Variants in SCNN1D observed in about 807,000 individuals in gnomAD.
SCNN1D encodes sodium channel epithelial 1 subunit delta.
SCNN1D carries 104 observed loss-of-function variants against 87.8 expected under a neutral mutation model. The observed-to-expected ratio is 1.18, with a 90% CI of 1.01 to 1.39. SCNN1D has a LOEUF of 1.39. Among genes scored for constraint, SCNN1D ranks in the 40% most tolerant of loss-of-function variants. The pLI, the probability that SCNN1D is intolerant of heterozygous loss-of-function variation, is 0.00. For missense variants in SCNN1D, 1,324 were observed against 1,093.9 expected (o/e 1.21, Z -2.97); for synonymous variants, 628 against 481.2 (o/e 1.31, Z -3.99).
intron 5 of SCNN1D, 44 bp from the exon 6 acceptor site, chr1:1,285,527 C>T: frequency 1.5e-6 from 2 of 1,329,802 alleles, no homozygotes; most frequent in South Asian, 3.0e-5. Context: ...CCCCAGACCC[C>T]ACGCGGGGCG....
chr1:1,286,963 G>A lies in SCNN1D; in HGVS notation c.1107G>A (p.Val369=). The A allele has an allele frequency of 6.2e-7, 1 of 1,612,112 alleles. No individual in the cohort carries two copies. The highest frequency in any genetic ancestry group is 8.5e-7 in the Non-Finnish European group (1 of 1,179,640). ...GCCACTCGGGCAGCCGGGTCAGAGT[G>A]GGGTTCAGACTGGTGAGTGTCCCAG... ...RLSHSGSRVR[V]GFRLCNSTGG... Residue 369 remains valine (V), a synonymous_variant, in exon 8 of 18, where the codon GTG becomes GTA. Coordinates refer to ENST00000379116, the MANE Select transcript of SCNN1D (RefSeq NM_001130413.4).
chr1:1,281,496 G>A lies in SCNN1D; in HGVS notation c.163G>A (p.Ala55Thr). The A allele has an allele frequency of 6.5e-7, 1 of 1,531,338 alleles. No homozygotes were observed. Among genetic ancestry groups the A allele is most frequent in the Non-Finnish European group, 8.7e-7 (1 of 1,144,454 alleles). 94.9% of individuals were successfully genotyped at this position (1,531,338 alleles called of 1,614,324 possible). The change falls in exon 3 of 18, where the codon GCG (alanine) becomes ACG (threonine). Residue 55 changes from alanine to threonine, a missense_variant. Transcript: ENST00000379116. ...SPHPTPCTGP[A>T]RGWPRRGGGP... ...CCACCCCACCCCCTGCACCGGGCCAGCGAGGGGATGGCCCAGAAGAGGGGG... is the reference window on the plus strand; with the variant it reads ...CCACCCCACCCCCTGCACCGGGCCAACGAGGGGATGGCCCAGAAGAGGGGG...
chr1:1,291,638 C>A lies in SCNN1D; in HGVS notation c.*28C>A. On this transcript the variant is annotated 3_prime_UTR_variant, in exon 18 of 18. Coordinates refer to ENST00000379116, the MANE Select transcript of SCNN1D (RefSeq NM_001130413.4). ...CAGACCTGCCAGGGCTGTGCGATCT[C>A]TTGGCCTGGTCCTTGCAGCTGTGGC... The A allele has an allele frequency of 6.8e-7, 1 of 1,467,148 alleles. No homozygotes were observed. The allele number at this position is 1,467,148 out of a possible 1,614,324, so 90.9% of individuals were successfully genotyped here.
rs1031890993 is a variant in SCNN1D, at chr1:1,290,781, G to A, written c.1917+87G>A. On this transcript the variant is annotated intron_variant, in intron 15 of 17. Coordinates refer to ENST00000379116, the MANE Select transcript of SCNN1D (RefSeq NM_001130413.4). The stretch of plus-strand genomic sequence containing the variant: ...AGAGCCCACCCAAGACAAGGGCAGG[G>A]CCGGAACTGACCCAGCCTATGCCCC... 4.4e-6 allele frequency: 7 copies of A among 1,587,368 alleles called. No individual in the cohort carries two copies. The South Asian group carries it at 4.4e-5, about 10-fold the overall frequency.
At chr1:1,281,346 GGA>G in intron 2 of SCNN1D, 49 bp downstream of exon 2, 1 of 1,535,084 alleles carries the variant, frequency 6.5e-7, no homozygotes, top group Non-Finnish European at 8.7e-7. Context: ...GTCTTTCCTG[GGA>G]GAGAGCAGAG....
chr1:1,291,841 T>C lies in SCNN1D; in HGVS notation c.*231T>C, dbSNP rs1203816646. 1.8e-5 allele frequency: 8 copies of C among 438,840 alleles called. No homozygotes were observed. Among genetic ancestry groups the C allele is most frequent in the Non-Finnish European group, 3.2e-5 (8 of 249,242 alleles). 27.2% of individuals were successfully genotyped at this position (438,840 alleles called of 1,614,324 possible). On this transcript the variant is annotated 3_prime_UTR_variant, in exon 18 of 18. Coordinates refer to ENST00000379116, the MANE Select transcript of SCNN1D (RefSeq NM_001130413.4). ...AGGGGGGTTCCCGCGTGCACACGAG[T>C]GCGGCTGGACGTGCCGACACGCGGT...
rs760750549 is a variant in SCNN1D at position 1,286,007 on chromosome 1, G to A, written c.640G>A (p.Val214Met). 1.9e-6 allele frequency: 3 copies of A among 1,562,088 alleles called. No individual in the cohort carries two copies. The South Asian group carries it at 3.5e-5, about 18-fold the overall frequency. ...CAAGGAGGGGCACCAGGAGGGGCTG[G>A]TGGAGCTGCCCGCCTCGTTCCGGGA... is the stretch of plus-strand genomic sequence containing the variant. ...PPKEGHQEGL[V>M]ELPASFRELL... Residue 214 changes from valine (V) to methionine (M), a missense_variant, in exon 7 of 18, where the codon GTG becomes ATG. By Grantham distance (21) the Val-to-Met change is conservative (BLOSUM62 1). Coordinates refer to ENST00000379116, the MANE Select transcript of SCNN1D (RefSeq NM_001130413.4).
chr1:1,285,862 G>A, intron 6 of SCNN1D, 64 bp from the exon 7 acceptor site: 1 of 1,451,548 alleles, frequency 6.9e-7, no homozygotes, highest in East Asian at 2.3e-5. Flanking sequence ...AGACATGACA[G>A]GCCCAGGGTA....
At chr1:1,286,633 A>G (rs866476167) in intron 7 of SCNN1D, 135 bp from the exon 8 acceptor site, 2 of 848,704 alleles carry the variant, frequency 2.4e-6, no homozygotes, top group Admixed American at 2.7e-5. Flanking sequence ...CTCCAACTCC[A>G]GCTCTGGGTC....
rs750186422 is a variant in SCNN1D, at chr1:1,290,566, G to A, written c.1859+11G>A. On this transcript the variant is annotated intron_variant, in intron 14 of 17. Coordinates refer to ENST00000379116, the MANE Select transcript of SCNN1D (RefSeq NM_001130413.4). ...CCCCAGGCCCTGCAGGTGAGACGGG[G>A]GTGTTGGGGTCGCGGCCAGGGATCA... The A allele has an allele frequency of 3.1e-6, 5 of 1,612,522 alleles. No individual in the cohort carries two copies. The highest frequency in any genetic ancestry group is 2.7e-5 in the African/African-American group (2 of 74,930).
At position 1,285,739 on chromosome 1, in the gene SCNN1D, A is replaced by G. The variant is rs553834507; in HGVS notation, c.558+75A>G. On this transcript the variant is annotated intron_variant, in intron 6 of 17. Transcript: ENST00000379116. ...AACTCAAACTCAGCTCCAAGGCTAC[A>G]CTGAGACGTGTCAGGGACGGGTGTA... 13 of 1,294,290 alleles carry G rather than the reference A, an allele frequency of 1.0e-5. No homozygotes were observed. The East Asian group carries it at 3.1e-4, about 30-fold the overall frequency. The allele number at this position is 1,294,290 out of a possible 1,614,324, so 80.2% of individuals were successfully genotyped here.
Position 1,281,619 on chromosome 1 carries a change from A to C in SCNN1D, c.277+9A>C. The C allele has an allele frequency of 6.5e-7, 1 of 1,533,718 alleles. No homozygotes were observed. The highest frequency in any genetic ancestry group is 8.7e-7 in the Non-Finnish European group (1 of 1,145,790). On this transcript the variant is annotated intron_variant, in intron 3 of 17. Coordinates refer to ENST00000379116, the MANE Select transcript of SCNN1D (RefSeq NM_001130413.4). ...ACAGGGGTGTGGGACAGGTGACTGA[A>C]CCTCAGCCCTTAGAGGCCTTGCCCG... is the stretch of plus-strand genomic sequence containing the variant.
At chr1:1,290,199 GTCCCGTGTCTCTGCCCCGTCCCCCA>G in intron 12 of SCNN1D, 47 bp from the exon 13 acceptor site, 2 of 938,590 alleles carry the variant, frequency 2.1e-6, no homozygotes, top group East Asian at 5.3e-5. Context: ...TCCCTGCTCC[GTCCCGTGTCTCTGCCCCGTCCCCCA>G]TGTCTCCGCT....
Position 1,291,062 on chromosome 1 carries a change from C to G in SCNN1D, c.1977-3C>G. On this transcript the variant is annotated splice_polypyrimidine_tract_variant and splice_region_variant and intron_variant, in intron 16 of 17. Coordinates refer to ENST00000379116, the MANE Select transcript of SCNN1D (RefSeq NM_001130413.4). Reference sequence around the variant, plus strand: ...GCGCCCTCATGCCTCTATCCTGCCCCAGGAGCAGCCTGGCCAAAATCAACA... The same window carrying G: ...GCGCCCTCATGCCTCTATCCTGCCCGAGGAGCAGCCTGGCCAAAATCAACA... 6.2e-7 allele frequency: 1 copy of G among 1,611,838 alleles called. No individual in the cohort carries two copies. The highest frequency in any genetic ancestry group is 1.1e-5 in the South Asian group (1 of 90,904).
At position 1,280,844 on chromosome 1, in the gene SCNN1D, C is replaced by T. The variant is rs554778473; in HGVS notation, c.5+178C>T. ...CCTTACTCCTCCCAGCAGGGGACAC[C>T]GGCCAGACCCCAAGCTCCACACTCC... On this transcript the variant is annotated intron_variant, in intron 1 of 17. Coordinates refer to ENST00000379116, the MANE Select transcript of SCNN1D (RefSeq NM_001130413.4). 269 of 590,398 alleles carry T rather than the reference C, an allele frequency of 4.6e-4. 7 individuals are homozygous for T. In the South Asian group the frequency reaches 5.2e-3, roughly 11 times the overall value. The allele number at this position is 590,398 out of a possible 1,614,324, so 36.6% of individuals were successfully genotyped here.
Position 1,286,698 on chromosome 1 carries a change from C to T in SCNN1D, c.912-70C>T, listed in dbSNP as rs1358564792. On this transcript the variant is annotated intron_variant, in intron 7 of 17. Transcript: ENST00000379116. Reference sequence around the variant, plus strand: ...GGGAGGCACTGCTGTCCCGACAGCACACACTGGGATGCTGGGGCCAGTGTG... The same window carrying T: ...GGGAGGCACTGCTGTCCCGACAGCATACACTGGGATGCTGGGGCCAGTGTG... 9.6e-6 allele frequency: 14 copies of T among 1,457,444 alleles called. No individual in the cohort carries two copies. In the East Asian group the frequency reaches 3.0e-4, roughly 31 times the overall value. The allele number at this position is 1,457,444 out of a possible 1,614,324, so 90.3% of individuals were successfully genotyped here.
Position 1,284,070 on chromosome 1 carries a change from C to CG in SCNN1D, c.451dup (p.Ala151GlyfsTer122), listed in dbSNP as rs1270083658. On this transcript the variant is annotated frameshift_variant, in exon 5 of 18. Transcript: ENST00000379116. LOFTEE classifies it high-confidence loss of function. ...GGACGGGAGAATGGAAGCAGCCACA[C>CG]GGGGGGGCTCTCACCTCCAGGTACC... The CG allele has an allele frequency of 3.9e-5, 42 of 1,089,216 alleles. No homozygotes were observed. The highest frequency in any genetic ancestry group is 7.8e-5 in the African/African-American group (2 of 25,524). 67.5% of individuals were successfully genotyped at this position (1,089,216 alleles called of 1,614,324 possible). A position where few individuals can be genotyped will look rare whatever the true frequency, so the allele number is the denominator to read the frequency against.
At position 1,291,587 on chromosome 1, in the gene SCNN1D, C is replaced by G. The variant is rs759876555; in HGVS notation, c.2386C>G (p.Pro796Ala). 7.8e-6 allele frequency: 12 copies of G among 1,548,282 alleles called. No homozygotes were observed. In the Admixed American group the frequency reaches 2.4e-4, roughly 31 times the overall value. The change falls in exon 18 of 18, where the codon CCC becomes GCC. Residue 796 changes from proline (P) to alanine (A), a missense_variant. Pro to Ala is a conservative substitution (Grantham distance 27). Coordinates refer to ENST00000379116, the MANE Select transcript of SCNN1D (RefSeq NM_001130413.4). ...CGAAGAGAGCTGGGCTGGGCCCCAG[C>G]CCCTTGAGACTCTGGACACCTGAAC... is the stretch of plus-strand genomic sequence containing the variant. ...SAEESWAGPQPLETLDT is the reference protein window; with the variant it reads ...SAEESWAGPQALETLDT
rs146631827 is a variant in SCNN1D at position 1,287,129 on chromosome 1, C to T, written c.1140C>T (p.Asp380=). 3 of 1,598,938 alleles carry T rather than the reference C, an allele frequency of 1.9e-6. No homozygotes were observed. Among genetic ancestry groups the T allele is most frequent in the Admixed American group, 1.7e-5 (1 of 59,498 alleles). ...CCCAGTGCAACAGCACGGGCGGCGA[C>T]TGCTTTTACCGAGGCTACACGTCAG... ...GFRLCNSTGG[D]CFYRGYTSGV... is the part of the protein sequence containing the mutation. The change falls in exon 9 of 18, where the codon GAC becomes GAT. Residue 380 remains aspartate, a synonymous_variant. Coordinates refer to ENST00000379116, the MANE Select transcript of SCNN1D (RefSeq NM_001130413.4).
Sources: allele counts gnomAD v4.1 joint callset, GRCh38; gene constraint gnomAD v4.1.1; transcripts MANE v1.5; gene names NCBI Gene and HGNC (gene_info 2026-07-23, HGNC 2026-07-21).